TCF7L2: variants seen among roughly 807,000 people sequenced by gnomAD.
TCF7L2 encodes transcription factor 7 like 2.
Under a neutral mutation model 77.9 loss-of-function variants are expected in TCF7L2, and 23 were observed. The ratio of observed to expected loss-of-function variants is 0.30; its 90% CI spans 0.21 to 0.42. The LOEUF (loss-of-function observed/expected upper bound fraction) is 0.42, where lower values mean the gene tolerates loss of function less well. Among genes scored for constraint, TCF7L2 ranks in the 10% least tolerant of loss-of-function variants. The pLI, the probability that TCF7L2 is intolerant of heterozygous loss-of-function variation, is 1.00. For synonymous variants in TCF7L2, 413 were observed against 340.2 expected (o/e 1.21, Z -2.36); for missense variants, 654 against 793.1 (o/e 0.82, Z 2.11).
At chr10:113,161,596 T>G in intron 13 of TCF7L2, 2 of 1,536,160 alleles carry the variant, frequency 1.3e-6, no homozygotes, top group Non-Finnish European at 1.7e-6. Flanking sequence ...ATTTGGAATA[T>G]TACAATGGTA....
intron 12 of TCF7L2, 122 bp downstream of exon 14, chr10:113,160,114 G>T: frequency 1.2e-6 from 1 of 808,732 alleles, no homozygotes; most frequent in Non-Finnish European, 2.0e-6. Context: ...CAGGGGAGTG[G>T]GACACTGCCA....
chr10:113,089,476 A>C, intron 5 of TCF7L2: 1 of 1,613,878 alleles, frequency 6.2e-7, no homozygotes, highest in South Asian at 1.1e-5. Context: ...GTCAGCACTC[A>C]AGTCTTCAGG....
rs1442342952 is a variant in TCF7L2, at chr10:113,141,123, C to G, written c.553-61C>G. ...CAAGGGAACCCACGGGCCCGGTGCT[C>G]TGAAGCCCTGGGCTGCTGGAACCGG... On this transcript the variant is annotated intron_variant, in intron 5 of 13. Coordinates refer to ENST00000627217, the MANE Select transcript of TCF7L2 (RefSeq NM_001146274.2). 4 of 1,597,592 alleles carry G rather than the reference C, an allele frequency of 2.5e-6. No homozygotes were observed. The African/African-American group carries it at 4.0e-5, about 16-fold the overall frequency.
intron 5 of TCF7L2, among the ~76,000 whole-genome samples, chr10:113,063,408 T>C (rs2056789592): frequency 6.6e-6 from 1 of 152,164 alleles, no homozygotes. Context: ...GTCCTCCCAG[T>C]TTCTTAAACA....
intron 4 of TCF7L2, among the ~76,000 whole-genome samples, chr10:113,025,009 A>T (rs1174790287): frequency 2.6e-5 from 4 of 152,086 alleles, no homozygotes; most frequent in African/African-American, 9.7e-5. Context: ...GTGACTCCTC[A>T]CTTGAGGTCA....
intron 3 of TCF7L2, among the ~76,000 whole-genome samples, chr10:112,954,815 C>CT (rs2033076145): frequency 6.6e-6 from 1 of 152,178 alleles, no homozygotes; most frequent in Non-Finnish European, 1.5e-5. Flanking sequence ...TGCATCTTCT[C>CT]TTATCCAAAG....
Position 113,014,514 on chromosome 10 carries a change from T to C in TCF7L2, c.451-25511T>C, listed in dbSNP as rs377352803. Among the ~76,000 whole-genome samples, 59 of 152,322 alleles carry C rather than the reference T, an allele frequency of 3.9e-4. No homozygotes were observed. In the South Asian group the frequency reaches 0.011, roughly 29 times the overall value. On this transcript the variant is annotated intron_variant, in intron 4 of 13. Coordinates refer to ENST00000627217, the MANE Select transcript of TCF7L2 (RefSeq NM_001146274.2). ...TCCATCCTAAAAGGAGTAGATTGGC[T>C]GGGCGTGGTGGCGCATGCCTGTAAT...
Position 112,951,598 on chromosome 10 carries a change from C to CGCCCGAACCGTAAGT in TCF7L2, c.376_381+9dup. ...TCCCCAACGGATCGCTCTCGCCCAC[C>CGCCCGAACCGTAAGT]GCCCGAACCGTAAGTGCCTCCGCGC... On this transcript the variant is annotated inframe_insertion, in exon 3 of 14. Coordinates refer to ENST00000627217, the MANE Select transcript of TCF7L2 (RefSeq NM_001146274.2). 7.6e-7 allele frequency: 1 copy of CGCCCGAACCGTAAGT among 1,313,610 alleles called. No individual in the cohort carries two copies. Among genetic ancestry groups the CGCCCGAACCGTAAGT allele is most frequent in the Non-Finnish European group, 1.0e-6 (1 of 1,001,980 alleles). 81.4% of individuals were successfully genotyped at this position (1,313,610 alleles called of 1,614,324 possible).
intron 5 of TCF7L2, among the ~76,000 whole-genome samples, chr10:113,081,987 G>C (rs971729155): frequency 1.3e-5 from 2 of 152,130 alleles, no homozygotes; most frequent in African/African-American, 4.8e-5. Context: ...ACAGGTGCCT[G>C]CCACCACGTC....
chr10:112,953,165 G>GAT (rs1295390884), intron 3 of TCF7L2, among the ~76,000 whole-genome samples: 2 of 152,150 alleles, frequency 1.3e-5, no homozygotes, highest in Non-Finnish European at 2.9e-5. Context: ...TATCAGGTTT[G>GAT]ACTTGCTTTT....
In TCF7L2 at chr10:113,126,127, TAGTC is replaced by T. The variant is rs1362798229; in HGVS notation, c.553-15055_553-15052del. 2.0e-5 allele frequency: 3 copies of T among 151,864 alleles called. 1 individual carries two copies. The highest frequency in any genetic ancestry group is 1.9e-4 in the East Asian group (1 of 5,178). The allele number at this position is 151,864 out of a possible 1,614,324, so 9.4% of individuals were successfully genotyped here. On this transcript the variant is annotated intron_variant, in intron 5 of 13. Coordinates refer to ENST00000627217, the MANE Select transcript of TCF7L2 (RefSeq NM_001146274.2). Reference sequence around the variant, plus strand: ...GGTAGGTTTTGTTTTTTTTTTAAGTTAGTCATGAAAAATGTTATACAGTAAATTG... The same window carrying T: ...GGTAGGTTTTGTTTTTTTTTTAAGTTATGAAAAATGTTATACAGTAAATTG...
intron 5 of TCF7L2, among the ~76,000 whole-genome samples, chr10:113,048,949 C>G (rs1192836431): frequency 6.6e-6 from 1 of 152,084 alleles, no homozygotes; most frequent in Non-Finnish European, 1.5e-5. Flanking sequence ...AGATTTTCAT[C>G]TTTTTAAATT....
At chr10:113,135,897 C>A (rs1391096846) in intron 5 of TCF7L2, among the ~76,000 whole-genome samples, 1 of 151,934 alleles carries the variant, frequency 6.6e-6, no homozygotes, top group Non-Finnish European at 1.5e-5. Flanking sequence ...AGGACAGATC[C>A]CACCGAGAGT....
At chr10:113,145,948 C>CTTTTTTT in intron 7 of TCF7L2, 63 bp from the exon 8 acceptor site, 1 of 1,379,336 alleles carries the variant, frequency 7.2e-7, no homozygotes, top group Admixed American at 1.8e-5. Context: ...CCCTTTTCTT[C>CTTTTTTT]TTTTTCTTGT....
rs1308540513 is a variant in TCF7L2, at chr10:113,166,392, A to T, written c.*420A>T. 8.7e-6 allele frequency: 2 copies of T among 230,056 alleles called. No homozygotes were observed. Among genetic ancestry groups the T allele is most frequent in the African/African-American group, 4.4e-5 (2 of 45,058 alleles). 14.3% of individuals were successfully genotyped at this position (230,056 alleles called of 1,614,324 possible). On this transcript the variant is annotated 3_prime_UTR_variant, in exon 14 of 14. Transcript: ENST00000627217. ...ATTTGTATTAAATACGAGCTTGCGA[A>T]CCAATCATTTTACATCTGGTTTTTA...
At chr10:113,089,452 C>CA in intron 5 of TCF7L2, 1 of 1,613,878 alleles carries the variant, frequency 6.2e-7, no homozygotes, top group Non-Finnish European at 8.5e-7. Context: ...TTCTACCCCC[C>CA]CTCAGACTTC....
intron 4 of TCF7L2, among the ~76,000 whole-genome samples, chr10:112,967,914 C>T (rs1014027155): frequency 1.3e-5 from 2 of 152,136 alleles, no homozygotes; most frequent in South Asian, 2.1e-4. Flanking sequence ...GGATTACAGG[C>T]GTGAGCCACC....
intron 4 of TCF7L2, among the ~76,000 whole-genome samples, chr10:112,986,803 G>T (rs946343935): frequency 6.6e-6 from 1 of 152,070 alleles, no homozygotes; most frequent in Non-Finnish European, 1.5e-5. Flanking sequence ...ACTCACCTCC[G>T]TCTCCTTTTT....
chr10:112,975,682 A>G (rs542427659), intron 4 of TCF7L2, among the ~76,000 whole-genome samples: 1 of 152,210 alleles, frequency 6.6e-6, no homozygotes, highest in East Asian at 1.9e-4. Context: ...AGGTTTCACC[A>G]TGTTGGCCAG....
Sources: gnomAD v4.1 joint callset for allele counts (sites outside exome capture counted in the v4.1 genomes callset) on GRCh38, gnomAD v4.1.1 for gene constraint, MANE v1.5 for transcripts, NCBI Gene and HGNC (gene_info 2026-07-23, HGNC 2026-07-21) for gene names.